The following WEE2 variants were observed in gnomAD, a reference collection of about 807,000 sequenced individuals.
The protein encoded by WEE2 is WEE2 oocyte meiosis inhibiting kinase.
WEE2 carries 50 observed loss-of-function variants against 60.1 expected under a neutral mutation model. That is an observed-to-expected ratio of 0.83 (90% CI 0.66 to 1.05). The LOEUF (loss-of-function observed/expected upper bound fraction) is 1.05, where lower values mean the gene tolerates loss of function less well. Among genes scored for constraint, WEE2 ranks in the 50% least tolerant of loss-of-function variants. The probability of loss-of-function intolerance (pLI) is 0.00; values close to 1 mark genes in which losing one functional copy is unlikely to be tolerated. For missense variants in WEE2, 631 were observed against 684.3 expected (o/e 0.92, Z 0.87); for synonymous variants, 240 against 241.0 (o/e 1.00, Z 0.04).
At chr7:141,709,667 C>T (rs1215833883) in intron 1 of WEE2, among the ~76,000 whole-genome samples, 1 of 152,186 alleles carries the variant, frequency 6.6e-6, no homozygotes, top group East Asian at 1.9e-4. Context: ...CTCCTCTCCC[C>T]TCCTTGGTCT....
In WEE2 at chr7:141,719,190, G is replaced by A; in HGVS notation, c.704G>A (p.Gly235Glu). The change falls in exon 4 of 12, where the codon GGA (glycine) becomes GAA (glutamate). Residue 235 changes from glycine (G) to glutamate (E), a missense_variant. By Grantham distance (98) the Gly-to-Glu change is moderately conservative (BLOSUM62 -2). Transcript: ENST00000397541. ...TACAAGTGCATTAAGAGGCTGGATGGATGTGTTTATGCAATAAAGCGCTCT... is the reference window on the plus strand; with the variant it reads ...TACAAGTGCATTAAGAGGCTGGATGAATGTGTTTATGCAATAAAGCGCTCT... ...TVYKCIKRLD[G>E]CVYAIKRSMK... The A allele has an allele frequency of 6.2e-7, 1 of 1,613,902 alleles. No homozygotes were observed. Among genetic ancestry groups the A allele is most frequent in the East Asian group, 2.2e-5 (1 of 44,862 alleles).
chr7:141,723,087 T>C (rs751012103), intron 5 of WEE2, 47 bp from the exon 6 acceptor site: 5 of 1,606,828 alleles, frequency 3.1e-6, no homozygotes, highest in Admixed American at 1.7e-5. Flanking sequence ...TATGCTTTCA[T>C]CTATAAGACT....
intron 10 of WEE2, 74 bp from the exon 11 acceptor site, chr7:141,729,457 A>C: frequency 6.3e-7 from 1 of 1,577,448 alleles, no homozygotes; most frequent in Non-Finnish European, 8.7e-7. Flanking sequence ...AAAAACATTT[A>C]TATATTAGTT....
Position 141,711,731 on chromosome 7 carries a change from TAAAGAAAAG to T in WEE2, c.343-2476_343-2468del, listed in dbSNP as rs1450423010. Reference sequence around the variant, plus strand: ...GGAATACCTGAGACTGGGTAAATTATAAAGAAAAGAGGTTTATTTGGCTTACAGTTCTGC... The same window carrying T: ...GGAATACCTGAGACTGGGTAAATTATAGGTTTATTTGGCTTACAGTTCTGC... On this transcript the variant is annotated intron_variant, in intron 1 of 11. Transcript: ENST00000397541. This position sits in a 1 kb window ranked among gnomAD's most constrained non-coding sequence, Gnocchi z 4.2. 2 of 152,254 alleles carry T rather than the reference TAAAGAAAAG, an allele frequency of 1.3e-5. No individual in the cohort carries two copies. Among genetic ancestry groups the T allele is most frequent in the African/African-American group, 4.8e-5 (2 of 41,460 alleles). 9.4% of individuals were successfully genotyped at this position (152,254 alleles called of 1,614,324 possible). A position where few individuals can be genotyped will look rare whatever the true frequency, so the allele number is the denominator to read the frequency against.
intron 9 of WEE2, among the ~76,000 whole-genome samples, chr7:141,726,452 G>T (rs1262451092): frequency 6.6e-6 from 1 of 151,996 alleles, no homozygotes; most frequent in Admixed American, 6.6e-5. Flanking sequence ...CAGTTTACCT[G>T]CAAACTTCAA....
chr7:141,716,554 A>G (rs1436376017), intron 3 of WEE2, among the ~76,000 whole-genome samples: 1 of 144,628 alleles, frequency 6.9e-6, no homozygotes, highest in Non-Finnish European at 1.5e-5. Context: ...ACCCCATCTC[A>G]CACGCTAGCT....
chr7:141,724,211 C>T lies in WEE2; in HGVS notation c.1157C>T (p.Ser386Leu), dbSNP rs1798971448. 2 of 1,613,358 alleles carry T rather than the reference C, an allele frequency of 1.2e-6. No individual in the cohort carries two copies. Among genetic ancestry groups the T allele is most frequent in the East Asian group, 2.2e-5 (1 of 44,860 alleles). ...TTAGGTGACCTGGGCCACGCAACATCAATAAACAAACCCAAAGTGGAAGAA... is the reference window on the plus strand; with the variant it reads ...TTAGGTGACCTGGGCCACGCAACATTAATAAACAAACCCAAAGTGGAAGAA... ...YKIGDLGHAT[S>L]INKPKVEEGD... Residue 386 changes from serine to leucine, a missense_variant, in exon 8 of 12, where the codon TCA becomes TTA. By Grantham distance (145) the Ser-to-Leu change is moderately radical (BLOSUM62 -2). Transcript: ENST00000397541.
At chr7:141,727,557 T>C (rs954775081) in intron 10 of WEE2, 111 bp downstream of exon 10, 17 of 1,365,610 alleles carry the variant, frequency 1.2e-5, no homozygotes, top group Non-Finnish European at 1.5e-5. Context: ...TATTCACCAT[T>C]ATAATACATA....
intron 3 of WEE2, among the ~76,000 whole-genome samples, chr7:141,717,829 G>T (rs922995679): frequency 1.3e-5 from 2 of 152,114 alleles, no homozygotes; most frequent in African/African-American, 4.8e-5. Flanking sequence ...GGTGGGTGGG[G>T]AGTGGTCAGG....
chr7:141,730,001 A>C (rs1799109291), intron 11 of WEE2, among the ~76,000 whole-genome samples: 2 of 151,722 alleles, frequency 1.3e-5, no homozygotes, highest in South Asian at 4.2e-4. Flanking sequence ...AAAAAAAAAA[A>C]AAAAAAAAAC....
chr7:141,723,240 C>T lies in WEE2; in HGVS notation c.987C>T (p.Tyr329=), dbSNP rs536031007. Residue 329 remains tyrosine, a synonymous_variant, in exon 6 of 12, where the codon TAC becomes TAT. Transcript: ENST00000397541. ...TACAGATTTCCCTTGGCCTTAATTA[C>T]ATCCACAACTCTAGCATGGTACACC... ...ILLQISLGLN[Y]IHNSSMVHLD... The T allele has an allele frequency of 2.6e-5, 42 of 1,614,174 alleles. 1 individual carries two copies. In the South Asian group the frequency reaches 4.4e-4, roughly 17 times the overall value.
chr7:141,714,596 A>T (rs1451125904), intron 2 of WEE2, among the ~76,000 whole-genome samples, 191 bp downstream of exon 2: 1 of 152,194 alleles, frequency 6.6e-6, no homozygotes, highest in Non-Finnish European at 1.5e-5. Context: ...ACATCTTTCC[A>T]TTCTGATATG....
chr7:141,708,466 A>C lies in WEE2; in HGVS notation c.-293A>C, dbSNP rs1584735366. The C allele has an allele frequency of 2.6e-6, 1 of 390,710 alleles. No individual in the cohort carries two copies. The highest frequency in any genetic ancestry group is 3.9e-5 in the East Asian group (1 of 25,488). 24.2% of individuals were successfully genotyped at this position (390,710 alleles called of 1,614,324 possible). ...AGTATTTGGTAACACATGGGAGACT[A>C]TGTGTCATATCCAGAAGAGTTCTGT... On this transcript the variant is annotated 5_prime_UTR_variant, in exon 1 of 12. It removes an upstream start codon present in the reference 5' UTR. Coordinates refer to ENST00000397541, the MANE Select transcript of WEE2 (RefSeq NM_001105558.1).
intron 5 of WEE2, among the ~76,000 whole-genome samples, chr7:141,721,445 G>T (rs12113603): frequency 9.2e-5 from 14 of 151,760 alleles, no homozygotes; most frequent in African/African-American, 2.9e-4. Context: ...TACACACTTT[G>T]TCTTGGAGTG....
chr7:141,716,335 C>T, intron 3 of WEE2, 68 bp downstream of exon 3: 1 of 1,415,240 alleles, frequency 7.1e-7, no homozygotes, highest in Non-Finnish European at 9.8e-7. Context: ...TCTTCTTCCC[C>T]TCCCCTTCTC....
rs1293846139 is a variant in WEE2 at position 141,708,664 on chromosome 7, C to A, written c.-95C>A. On this transcript the variant is annotated 5_prime_UTR_variant, in exon 1 of 12. Transcript: ENST00000397541. Reference sequence around the variant, plus strand: ...ATTCAGGCTACCGTCGCGAAACCTGCAGGTTAAGTTATTTTCTCCTCCCTG... The same window carrying A: ...ATTCAGGCTACCGTCGCGAAACCTGAAGGTTAAGTTATTTTCTCCTCCCTG... 1.8e-6 allele frequency: 2 copies of A among 1,095,524 alleles called. No homozygotes were observed. The highest frequency in any genetic ancestry group is 2.3e-5 in the Admixed American group (1 of 43,976). 67.9% of individuals were successfully genotyped at this position (1,095,524 alleles called of 1,614,324 possible). A position where few individuals can be genotyped will look rare whatever the true frequency, so the allele number is the denominator to read the frequency against.
rs546221621 is a variant in WEE2 at position 141,720,615 on chromosome 7, CACTTAAAGCTCCTCTTT to C, written c.759-317_759-301del. ...TGCACATCTGCCATTGAGGCATAAC[CACTTAAAGCTCCTCTTT>C]ACATATGCCATGTTAAAATAAAAAA... On this transcript the variant is annotated intron_variant, in intron 4 of 11. Coordinates refer to ENST00000397541, the MANE Select transcript of WEE2 (RefSeq NM_001105558.1). Among the ~76,000 whole-genome samples the C allele has an allele frequency of 3.0e-4, 45 of 152,160 alleles. No homozygotes were observed. The South Asian group carries it at 8.7e-3, about 30-fold the overall frequency.
chr7:141,716,165 G>A, intron 2 of WEE2, 57 bp from the exon 3 acceptor site: 2 of 1,435,660 alleles, frequency 1.4e-6, no homozygotes, highest in Admixed American at 3.5e-5. Context: ...ACCTAGCATA[G>A]TTCGGCCTCA....
intron 3 of WEE2, among the ~76,000 whole-genome samples, chr7:141,717,266 A>G (rs1051746286): frequency 1.3e-5 from 2 of 152,236 alleles, no homozygotes; most frequent in Non-Finnish European, 2.9e-5. Flanking sequence ...AGTTTTCTGA[A>G]GCAAGTTTTA....
Sources: allele counts gnomAD v4.1 joint callset (sites outside exome capture counted in the v4.1 genomes callset), GRCh38; gene constraint gnomAD v4.1.1; non-coding constraint Gnocchi (gnomAD v3.1); transcripts MANE v1.5; gene names NCBI Gene and HGNC (gene_info 2026-07-23, HGNC 2026-07-21).